SPEG: variants seen among roughly 807,000 people sequenced by gnomAD.
SPEG encodes striated muscle enriched protein kinase, also known as striated muscle preferentially expressed protein kinase.
SPEG carries 114 observed loss-of-function variants against 300.4 expected under a neutral mutation model. That is an observed-to-expected ratio of 0.38 (90% CI 0.33 to 0.44). SPEG has a LOEUF of 0.44. Among genes scored for constraint, SPEG ranks in the 20% least tolerant of loss-of-function variants. The probability of loss-of-function intolerance (pLI) is 1.00; values close to 1 mark genes in which losing one functional copy is unlikely to be tolerated. For missense variants in SPEG, 4,201 were observed against 4,586.2 expected (o/e 0.92, Z 2.43); for synonymous variants, 1,964 against 2,018.9 (o/e 0.97, Z 0.73).
intron 9 of SPEG, chr2:219,466,025 G>A (rs745836037): frequency 3.1e-6 from 5 of 1,595,228 alleles, no homozygotes; most frequent in Non-Finnish European, 3.4e-6. Context: ...CTAACCTGCC[G>A]CTTGCTGACT....
chr2:219,466,583 A>G (rs572127458), intron 9 of SPEG: 20 of 1,015,520 alleles, frequency 2.0e-5, no homozygotes, highest in African/African-American at 1.7e-4. Flanking sequence ...CATTCTAGAA[A>G]TGGGTTTCGA....
Position 219,484,842 on chromosome 2 carries a change from C to A in SPEG, c.7379C>A (p.Thr2460Asn), listed in dbSNP as rs1238486403. 1 of 1,518,860 alleles carries A rather than the reference C, an allele frequency of 6.6e-7. No homozygotes were observed. Among genetic ancestry groups the A allele is most frequent in the East Asian group, 2.6e-5 (1 of 38,534 alleles). 94.1% of individuals were successfully genotyped at this position (1,518,860 alleles called of 1,614,324 possible). A position where few individuals can be genotyped will look rare whatever the true frequency, so the allele number is the denominator to read the frequency against. Residue 2460 changes from threonine to asparagine, a missense_variant, in exon 30 of 41, where the codon ACC becomes AAC. Thr to Asn is a moderately conservative substitution (Grantham distance 65). Around this residue, in one of 4 missense-constraint regions of SPEG, gnomAD observed 1,578 missense variants for 1,506.0 expected, o/e 1.05. Coordinates refer to ENST00000312358, the MANE Select transcript of SPEG (RefSeq NM_005876.5). ...VLAMRRRLSFTLERLSSRLQR... is the reference protein window; with the variant it reads ...VLAMRRRLSFNLERLSSRLQR... ...GCGATGCGCAGGCGGCTGAGCTTCACCCTGGAGCGGCTGTCCAGCCGATTG... is the reference window on the plus strand; with the variant it reads ...GCGATGCGCAGGCGGCTGAGCTTCAACCTGGAGCGGCTGTCCAGCCGATTG...
intron 39 of SPEG, 104 bp from the exon 40 acceptor site, chr2:219,492,007 C>T: frequency 2.8e-6 from 4 of 1,407,134 alleles, no homozygotes; most frequent in Non-Finnish European, 3.9e-6. Flanking sequence ...CTCAGGTGCA[C>T]AGTAGCATGG....
At chr2:219,450,408 A>C (rs1190150612) in intron 4 of SPEG, among the ~76,000 whole-genome samples, 1 of 152,212 alleles carries the variant, frequency 6.6e-6, no homozygotes, top group African/African-American at 2.4e-5. Context: ...TTGGCTATGT[A>C]CATTGTCCTT....
chr2:219,466,548 T>C, intron 9 of SPEG: 1 of 1,059,470 alleles, frequency 9.4e-7, no homozygotes, highest in Non-Finnish European at 1.1e-6. Flanking sequence ...ACAAAGGCCT[T>C]ACCAGGAAGG....
Position 219,471,854 on chromosome 2 carries a change from C to A in SPEG, c.3716-14C>A, listed in dbSNP as rs779534799. On this transcript the variant is annotated splice_polypyrimidine_tract_variant and intron_variant, in intron 13 of 40. Coordinates refer to ENST00000312358, the MANE Select transcript of SPEG (RefSeq NM_005876.5). ...CCGGGCTCAGGCCCAGTGTCACTGT[C>A]CCTCCCCTCCCAGACAGGGATGTCC... is the stretch of plus-strand genomic sequence containing the variant. 6.2e-7 allele frequency: 1 copy of A among 1,613,794 alleles called. No homozygotes were observed. Among genetic ancestry groups the A allele is most frequent in the Non-Finnish European group, 8.5e-7 (1 of 1,179,916 alleles).
chr2:219,483,491 C>G lies in SPEG; in HGVS notation c.6028C>G (p.Leu2010Val). Residue 2010 changes from leucine to valine, a missense_variant, in exon 30 of 41, where the codon CTC (leucine) becomes GTC (valine). Physicochemically the swap from Leu to Val is conservative, Grantham distance 32 (BLOSUM62 1). Around this residue, in one of 4 missense-constraint regions of SPEG, gnomAD observed 1,578 missense variants for 1,506.0 expected, o/e 1.05. Transcript: ENST00000312358. ...TGGGGCTAGCCCCAGGCGGGGAGAG[C>G]TCCGCAGGGGCAGCTCGGCTGAGAG... The part of the protein sequence containing the change: ...AAGASPRRGE[L>V]RRGSSAESAL... 1 of 1,442,968 alleles carries G rather than the reference C, an allele frequency of 6.9e-7. No individual in the cohort carries two copies. Among genetic ancestry groups the G allele is most frequent in the Non-Finnish European group, 9.0e-7 (1 of 1,108,892 alleles). The allele number at this position is 1,442,968 out of a possible 1,614,324, so 89.4% of individuals were successfully genotyped here.
chr2:219,435,651 G>A (rs1161999810), intron 1 of SPEG, among the ~76,000 whole-genome samples: 2 of 152,240 alleles, frequency 1.3e-5, no homozygotes, highest in Non-Finnish European at 2.9e-5. Context: ...GAATTCTGGG[G>A]TGGAAGTTCT....
At position 219,489,638 on chromosome 2, in the gene SPEG, C is replaced by A. The variant is rs1223722107; in HGVS notation, c.8620C>A (p.Pro2874Thr). ...CCACGTCACCCCAAGTGAGCCCAAG[C>A]CTTTCGTCCTTGACACTGGGACCCC... ...STHVTPSEPK[P>T]FVLDTGTPIP... Residue 2874 changes from proline (P) to threonine (T), a missense_variant, in exon 36 of 41, where the codon CCT (proline) becomes ACT (threonine). By Grantham distance (38) the Pro-to-Thr change is conservative (BLOSUM62 -1). Around this residue, in one of 4 missense-constraint regions of SPEG, gnomAD observed 1,578 missense variants for 1,506.0 expected, o/e 1.05. Coordinates refer to ENST00000312358, the MANE Select transcript of SPEG (RefSeq NM_005876.5). 1 of 1,613,996 alleles carries A rather than the reference C, an allele frequency of 6.2e-7. No homozygotes were observed. The highest frequency in any genetic ancestry group is 1.7e-5 in the Admixed American group (1 of 60,018).
intron 35 of SPEG, 24 bp downstream of exon 35, chr2:219,489,245 G>C (rs753173354): frequency 6.2e-7 from 1 of 1,613,446 alleles, no homozygotes; most frequent in African/African-American, 1.3e-5. Flanking sequence ...TATGGGGTGG[G>C]AGGAGGAAGG....
At chr2:219,488,460 C>T (rs1693647458) in intron 32 of SPEG, 38 bp from the exon 33 acceptor site, 1 of 1,537,314 alleles carries the variant, frequency 6.5e-7, no homozygotes, top group Non-Finnish European at 8.8e-7. Flanking sequence ...CATGTGCTGC[C>T]TCACTCAGCA....
In SPEG at chr2:219,489,600, C is replaced by G. The variant is rs772618377; in HGVS notation, c.8582C>G (p.Thr2861Ser). Reference protein sequence around the residue: ...GLQAARPAEPTLPSTHVTPSE... With the variant: ...GLQAARPAEPSLPSTHVTPSE... ...CAGGCTGCCCGGCCAGCGGAGCCCA[C>G]CCTACCCAGTACCCACGTCACCCCA... The change falls in exon 36 of 41, where the codon ACC (threonine) becomes AGC (serine). Residue 2861 changes from threonine (T) to serine (S), a missense_variant. Coordinates refer to ENST00000312358, the MANE Select transcript of SPEG (RefSeq NM_005876.5). The G allele has an allele frequency of 4.3e-6, 7 of 1,613,750 alleles. No homozygotes were observed. Among genetic ancestry groups the G allele is most frequent in the Non-Finnish European group, 5.9e-6 (7 of 1,179,974 alleles).
intron 9 of SPEG, chr2:219,466,091 C>A (rs762424868): frequency 8.1e-6 from 13 of 1,596,982 alleles, no homozygotes; most frequent in South Asian, 1.1e-5. Flanking sequence ...GTGCTCCCCC[C>A]GCTACCCTCC....
chr2:219,454,518 C>T (rs1041880647), intron 6 of SPEG, among the ~76,000 whole-genome samples: 4 of 152,214 alleles, frequency 2.6e-5, no homozygotes, highest in African/African-American at 9.6e-5. Context: ...TCTGTTTGGA[C>T]AGTGTCATAG....
In SPEG at chr2:219,439,355, G is replaced by A. The variant is rs1218908429; in HGVS notation, c.388+3990G>A. Among the ~76,000 whole-genome samples, 1 of 152,134 alleles carries A rather than the reference G, an allele frequency of 6.6e-6. No homozygotes were observed. Among genetic ancestry groups the A allele is most frequent in the African/African-American group, 2.4e-5 (1 of 41,398 alleles). On this transcript the variant is annotated intron_variant, in intron 1 of 40. Transcript: ENST00000312358. This position sits in a 1 kb window ranked among gnomAD's most constrained non-coding sequence, Gnocchi z 4.5. ...AGACCAAAATTTATGTCCTCCAGGG[G>A]ATAACTTTCTAGTGAGGGGAGACAG...
Position 219,444,114 on chromosome 2 carries a change from C to T in SPEG, c.389-539C>T, listed in dbSNP as rs1689110794. The T allele has an allele frequency of 8.0e-7, 1 of 1,249,828 alleles. No homozygotes were observed. The highest frequency in any genetic ancestry group is 1.2e-5 in the South Asian group (1 of 81,362). The allele number at this position is 1,249,828 out of a possible 1,614,324, so 77.4% of individuals were successfully genotyped here. ...CGCATCCCCCCCTTTCCCACCCGGC[C>T]CCGGCCTCTCCTCACCCTGCCTCAG... On this transcript the variant is annotated intron_variant, in intron 1 of 40. Coordinates refer to ENST00000312358, the MANE Select transcript of SPEG (RefSeq NM_005876.5). This position sits in a 1 kb window ranked among gnomAD's most constrained non-coding sequence, Gnocchi z 7.8.
At position 219,484,754 on chromosome 2, in the gene SPEG, G is replaced by A; in HGVS notation, c.7291G>A (p.Ala2431Thr). Residue 2431 changes from alanine (A) to threonine (T), a missense_variant, in exon 30 of 41, where the codon GCC (alanine) becomes ACC (threonine). Physicochemically the swap from Ala to Thr is moderately conservative, Grantham distance 58. Around this residue, in one of 4 missense-constraint regions of SPEG, gnomAD observed 1,578 missense variants for 1,506.0 expected, o/e 1.05. Coordinates refer to ENST00000312358, the MANE Select transcript of SPEG (RefSeq NM_005876.5). ...PPAQRHPAWE[A>T]RGGDGESSEG... ...CGCGCAGCGCCACCCGGCCTGGGAG[G>A]CCCGCGGCGGGGACGGAGAGAGCTC... The A allele has an allele frequency of 6.8e-7, 1 of 1,463,670 alleles. No homozygotes were observed. The highest frequency in any genetic ancestry group is 8.9e-7 in the Non-Finnish European group (1 of 1,119,698). The allele number at this position is 1,463,670 out of a possible 1,614,324, so 90.7% of individuals were successfully genotyped here.
chr2:219,490,465 T>C lies in SPEG; in HGVS notation c.8978T>C (p.Val2993Ala). The C allele has an allele frequency of 6.2e-7, 1 of 1,613,352 alleles. No homozygotes were observed. The highest frequency in any genetic ancestry group is 8.5e-7 in the Non-Finnish European group (1 of 1,179,982). ...CRENATGRTF[V>A]AKIVPYAAEG... ...GAGAATGCCACGGGGCGAACGTTCG[T>C]GGCCAAGATCGTGCCCTATGCTGCC... The change falls in exon 37 of 41, where the codon GTG (valine) becomes GCG (alanine). Residue 2993 changes from valine to alanine, a missense_variant. Physicochemically the swap from Val to Ala is moderately conservative, Grantham distance 64. Around this residue, in one of 4 missense-constraint regions of SPEG, gnomAD observed 318 missense variants for 429.5 expected, o/e 0.74. Coordinates refer to ENST00000312358, the MANE Select transcript of SPEG (RefSeq NM_005876.5).
In SPEG at chr2:219,448,698, C is replaced by T. The variant is rs998907013; in HGVS notation, c.1540C>T (p.His514Tyr). The T allele has an allele frequency of 2.7e-6, 4 of 1,494,022 alleles. No homozygotes were observed. The highest frequency in any genetic ancestry group is 2.5e-5 in the South Asian group (2 of 80,114). 92.5% of individuals were successfully genotyped at this position (1,494,022 alleles called of 1,614,324 possible). ...STSREELVRS[H>Y]ESLRATLQRA... ...GTCGCGGGAGGAGCTGGTGCGCTCG[C>T]ACGAGTCCCTGCGCGCCACGCTGCA... The change falls in exon 4 of 41, where the codon CAC (histidine) becomes TAC (tyrosine). Residue 514 changes from histidine to tyrosine, a missense_variant. His to Tyr is a moderately conservative substitution (Grantham distance 83). Around this residue, in one of 4 missense-constraint regions of SPEG, gnomAD observed 1,258 missense variants for 1,293.9 expected, o/e 0.97. Transcript: ENST00000312358.
Sources: allele counts gnomAD v4.1 joint callset (sites outside exome capture counted in the v4.1 genomes callset), GRCh38; gene constraint gnomAD v4.1.1; regional missense constraint gnomAD v4.1.1; non-coding constraint Gnocchi (gnomAD v3.1); transcripts MANE v1.5; gene names NCBI Gene and HGNC (gene_info 2026-07-23, HGNC 2026-07-21).